The following SMC1B variants were observed in gnomAD, a reference collection of about 807,000 sequenced individuals.
SMC1B encodes structural maintenance of chromosomes 1B.
Under a neutral mutation model 157.9 loss-of-function variants are expected in SMC1B, and 60 were observed. That is an observed-to-expected ratio of 0.38 (90% CI 0.31 to 0.47). The LOEUF (loss-of-function observed/expected upper bound fraction) is 0.47, where lower values mean the gene tolerates loss of function less well. SMC1B is among the 20% of genes least tolerant of loss of function. The probability of loss-of-function intolerance (pLI) is 0.99; values close to 1 mark genes in which losing one functional copy is unlikely to be tolerated. For synonymous variants in SMC1B, 445 were observed against 483.0 expected, an observed-to-expected ratio of 0.92 and a Z score of 1.03; for missense variants, 1,165 against 1,426.2, an observed-to-expected ratio of 0.82 and a Z score of 2.95.
At position 45,376,812 on chromosome 22, in the gene SMC1B, T is replaced by C. The variant is rs557116390; in HGVS notation, c.2059-4520A>G. 2.0e-5 allele frequency among the ~76,000 whole-genome samples: 3 copies of C among 152,298 alleles called. No homozygotes were observed. In the South Asian group the frequency reaches 6.2e-4, roughly 32 times the overall value. ...CTTAGTACAATGGCTTTGATCCTCA[T>C]GTTTGCTTTTCCCTTGGTGCAATAT... On this transcript the variant is annotated intron_variant, in intron 12 of 24. Transcript: ENST00000357450.
At chr22:45,346,917 G>C (rs940499237) in intron 23 of SMC1B, among the ~76,000 whole-genome samples, 3 of 152,340 alleles carry the variant, frequency 2.0e-5, no homozygotes, top group Middle Eastern at 3.4e-3. Context: ...ATGCAATTAA[G>C]AGCTTTTAAT....
chr22:45,410,265 T>A (rs1393141717), intron 1 of SMC1B, among the ~76,000 whole-genome samples: 4 of 152,212 alleles, frequency 2.6e-5, no homozygotes, highest in Non-Finnish European at 5.9e-5. Context: ...TTGTGGGCAT[T>A]CCTAACCCCA....
intron 24 of SMC1B, among the ~76,000 whole-genome samples, chr22:45,345,137 C>CTT (rs1407753277): frequency 6.6e-6 from 1 of 152,130 alleles, no homozygotes; most frequent in Non-Finnish European, 1.5e-5. Flanking sequence ...TTTGTTTTTG[C>CTT]TTAAAACACT....
At chr22:45,402,084 C>T (rs1173952928) in intron 5 of SMC1B, among the ~76,000 whole-genome samples, 1 of 152,102 alleles carries the variant, frequency 6.6e-6, no homozygotes, top group Non-Finnish European at 1.5e-5. Flanking sequence ...GGGGTTTCAC[C>T]GTGTTAGCCA....
intron 19 of SMC1B, among the ~76,000 whole-genome samples, chr22:45,358,433 G>C (rs1038129701): frequency 6.6e-6 from 1 of 152,080 alleles, no homozygotes; most frequent in Non-Finnish European, 1.5e-5. Flanking sequence ...GCTAACTCCA[G>C]GTAGACAGTG....
chr22:45,409,343 C>T (rs1331406607), intron 1 of SMC1B, among the ~76,000 whole-genome samples: 2 of 152,090 alleles, frequency 1.3e-5, no homozygotes, highest in African/African-American at 2.4e-5. Context: ...GTGAGCAGAT[C>T]ACCTGAGGTC....
intron 23 of SMC1B, among the ~76,000 whole-genome samples, chr22:45,347,456 CAT>C (rs1175463229): frequency 2.0e-5 from 3 of 152,196 alleles, no homozygotes; most frequent in South Asian, 2.1e-4. Context: ...AGGCAATTCA[CAT>C]GAGACTCAAC....
Position 45,386,958 on chromosome 22 carries a change from T to G in SMC1B, c.1820A>C (p.Lys607Thr). Residue 607 changes from lysine (K) to threonine (T), a missense_variant, in exon 11 of 25, where the codon AAA becomes ACA. Physicochemically the swap from Lys to Thr is moderately conservative, Grantham distance 78. Transcript: ENST00000357450. ...VIKTQFPQLK[K>T]VIQFVCGNGL... ...ATTTCCACACACAAACTGAATCACT[T>G]TCTTCAGCTGAGGAAACTGAGTCTT... 6.2e-7 allele frequency: 1 copy of G among 1,614,148 alleles called. No individual in the cohort carries two copies. Among genetic ancestry groups the G allele is most frequent in the Non-Finnish European group, 8.5e-7 (1 of 1,180,000 alleles).
At chr22:45,350,606 AACT>A (rs1676583508) in intron 22 of SMC1B, among the ~76,000 whole-genome samples, 1 of 151,918 alleles carries the variant, frequency 6.6e-6, no homozygotes, top group South Asian at 2.1e-4. Flanking sequence ...TCAAATGTCC[AACT>A]ACTTTCTCTA....
chr22:45,347,652 C>A (rs1430405226), intron 23 of SMC1B, among the ~76,000 whole-genome samples: 1 of 152,136 alleles, frequency 6.6e-6, no homozygotes, highest in East Asian at 1.9e-4. Context: ...CAAGGTCTCA[C>A]TATGTTGCTC....
rs1395949204 is a variant in SMC1B at position 45,396,436 on chromosome 22, T to C, written c.1164A>G (p.Thr388=). The C allele has an allele frequency of 6.2e-7, 1 of 1,613,404 alleles. No homozygotes were observed. The highest frequency in any genetic ancestry group is 8.5e-7 in the Non-Finnish European group (1 of 1,179,660). Residue 388 remains threonine (T), a synonymous_variant, in exon 7 of 25, where the codon ACA becomes ACG. Coordinates refer to ENST00000357450, the MANE Select transcript of SMC1B (RefSeq NM_148674.5). ...LKEQVRKKVA[T]MTQQLEKLQW... Reference sequence around the variant, plus strand: ...GCAGTTTTTCCAGTTGTTGAGTCATTGTAGCTACTTTCTTTCTTACTTGTT... The same window carrying C: ...GCAGTTTTTCCAGTTGTTGAGTCATCGTAGCTACTTTCTTTCTTACTTGTT...
chr22:45,353,059 T>C (rs2086630158), intron 21 of SMC1B, among the ~76,000 whole-genome samples: 1 of 151,922 alleles, frequency 6.6e-6, no homozygotes, highest in African/African-American at 2.4e-5. Context: ...TCACTTGAGG[T>C]CAGGAGTTTG....
chr22:45,392,137 C>A (rs920125190), intron 9 of SMC1B, among the ~76,000 whole-genome samples: 1 of 152,164 alleles, frequency 6.6e-6, no homozygotes, highest in Non-Finnish European at 1.5e-5. Context: ...TTAGTAGAGA[C>A]AGTGTTTCAC....
chr22:45,378,845 G>A (rs1407881602), intron 12 of SMC1B, among the ~76,000 whole-genome samples: 1 of 152,120 alleles, frequency 6.6e-6, no homozygotes, highest in African/African-American at 2.4e-5. Flanking sequence ...CAATTAAATT[G>A]TAAGTACTTA....
chr22:45,393,086 A>G (rs2087080815), intron 9 of SMC1B, among the ~76,000 whole-genome samples: 1 of 152,138 alleles, frequency 6.6e-6, no homozygotes, highest in Non-Finnish European at 1.5e-5. Flanking sequence ...CACAGTATAC[A>G]CTGATGTTAG....
At chr22:45,382,339 T>C (rs1479346467) in intron 12 of SMC1B, among the ~76,000 whole-genome samples, 1 of 152,206 alleles carries the variant, frequency 6.6e-6, no homozygotes, top group Non-Finnish European at 1.5e-5. Flanking sequence ...TCAAAAATAC[T>C]AAGCTAAGTG....
intron 22 of SMC1B, among the ~76,000 whole-genome samples, chr22:45,350,269 T>A (rs199662900): frequency 0.017 from 1,836 of 105,710 alleles, 18 homozygotes; most frequent in African/African-American, 0.028. Context: ...TTTTTTTTTT[T>A]AATTTTTTTT....
chr22:45,353,738 G>GA (rs1409521618), intron 21 of SMC1B, among the ~76,000 whole-genome samples: 2 of 151,746 alleles, frequency 1.3e-5, no homozygotes, highest in African/African-American at 4.8e-5. Flanking sequence ...TTTTTCAGAT[G>GA]AAGAAACAGA....
chr22:45,361,614 G>C (rs1178236770), intron 17 of SMC1B, among the ~76,000 whole-genome samples: 1 of 152,198 alleles, frequency 6.6e-6, no homozygotes. Flanking sequence ...AACAAAGGGA[G>C]ACTCCGTCTG....
Sources: allele counts gnomAD v4.1 joint callset (sites outside exome capture counted in the v4.1 genomes callset), GRCh38; gene constraint gnomAD v4.1.1; transcripts MANE v1.5; gene names NCBI Gene and HGNC (gene_info 2026-07-23, HGNC 2026-07-21).